The following NKAIN3 variants were observed in gnomAD, a reference collection of about 807,000 sequenced individuals.
The protein encoded by NKAIN3 is sodium/potassium transporting ATPase interacting 3.
Under a neutral mutation model 30.2 loss-of-function variants are expected in NKAIN3, and 25 were observed. That is an observed-to-expected ratio of 0.83 (90% CI 0.60 to 1.16). NKAIN3 has a LOEUF of 1.16. Among genes scored for constraint, NKAIN3 ranks in the 50% most tolerant of loss-of-function variants. The probability of loss-of-function intolerance (pLI) is 0.00; values close to 1 mark genes in which losing one functional copy is unlikely to be tolerated. For synonymous variants in NKAIN3, 91 were observed against 89.6 expected, an observed-to-expected ratio of 1.02 and a Z score of -0.09; for missense variants, 225 against 254.1, an observed-to-expected ratio of 0.89 and a Z score of 0.78.
At chr8:62,642,811 ATATTACCATTTTTCTC>A (rs1812348378) in intron 3 of NKAIN3, among the ~76,000 whole-genome samples, 1 of 152,062 alleles carries the variant, frequency 6.6e-6, no homozygotes, top group South Asian at 2.1e-4. Context: ...TCCTTTTTAT[ATATTACCATTTTTCTC>A]AATTAGTTTA....
chr8:62,508,093 C>T (rs540358087), intron 1 of NKAIN3, among the ~76,000 whole-genome samples: 9 of 152,222 alleles, frequency 5.9e-5, no homozygotes, highest in African/African-American at 2.2e-4. Flanking sequence ...TTTATATGTC[C>T]CGTTCCCTAG....
intron 4 of NKAIN3, among the ~76,000 whole-genome samples, chr8:62,780,439 T>C (rs1817321768): frequency 6.6e-6 from 1 of 152,002 alleles, no homozygotes; most frequent in South Asian, 2.1e-4. Flanking sequence ...CATTCTACAA[T>C]GATAGCATCA....
chr8:62,935,418 T>C (rs1043633404), intron 5 of NKAIN3, among the ~76,000 whole-genome samples: 6 of 152,124 alleles, frequency 3.9e-5, no homozygotes, highest in Admixed American at 2.0e-4. Context: ...TTACCTTGTA[T>C]AAGGTAATGA....
At chr8:62,700,037 G>A (rs960587854) in intron 3 of NKAIN3, among the ~76,000 whole-genome samples, 8 of 152,064 alleles carry the variant, frequency 5.3e-5, no homozygotes, top group Non-Finnish European at 1.2e-4. Context: ...AGCTAAAGTA[G>A]GCACTAGAGC....
chr8:62,688,457 C>T (rs1359877416), intron 3 of NKAIN3, among the ~76,000 whole-genome samples: 3 of 152,050 alleles, frequency 2.0e-5, no homozygotes, highest in Non-Finnish European at 4.4e-5. Flanking sequence ...TTAAAACATC[C>T]AGTAACAGTC....
At chr8:62,736,136 A>G (rs1425520950) in intron 3 of NKAIN3, among the ~76,000 whole-genome samples, 1 of 152,212 alleles carries the variant, frequency 6.6e-6, no homozygotes, top group African/African-American at 2.4e-5. Context: ...GCCAGGAGGT[A>G]GAGCTTTCAA....
At chr8:62,880,974 T>G (rs186997661) in intron 4 of NKAIN3, among the ~76,000 whole-genome samples, 39 of 152,288 alleles carry the variant, frequency 2.6e-4, no homozygotes, top group Admixed American at 2.3e-3. Flanking sequence ...TACCAAGGGG[T>G]TTATGGAAAC....
chr8:62,798,961 A>G (rs1026577133), intron 4 of NKAIN3, among the ~76,000 whole-genome samples: 2 of 152,254 alleles, frequency 1.3e-5, no homozygotes, highest in South Asian at 4.1e-4. Context: ...ACCTGGAGTC[A>G]AGGCAGTAAC....
chr8:62,480,973 C>G (rs967187446), intron 1 of NKAIN3, among the ~76,000 whole-genome samples: 1 of 152,168 alleles, frequency 6.6e-6, no homozygotes, highest in Non-Finnish European at 1.5e-5. Flanking sequence ...AAAGTATAAA[C>G]AGCCTCACCT....
At chr8:62,930,307 G>C (rs560540573) in intron 5 of NKAIN3, among the ~76,000 whole-genome samples, 9 of 152,064 alleles carry the variant, frequency 5.9e-5, no homozygotes, top group Admixed American at 2.0e-4. Context: ...AGGCTGGAGT[G>C]TGATGGTGCG....
At chr8:62,547,863 G>A (rs912105377) in intron 1 of NKAIN3, among the ~76,000 whole-genome samples, 3 of 152,136 alleles carry the variant, frequency 2.0e-5, no homozygotes, top group Non-Finnish European at 4.4e-5. Context: ...TTGAATGCAC[G>A]TAACATCACC....
chr8:62,828,063 T>C (rs1819078412), intron 4 of NKAIN3, among the ~76,000 whole-genome samples: 1 of 151,766 alleles, frequency 6.6e-6, no homozygotes. Context: ...ATTCACACAA[T>C]GCAATACTAC....
At chr8:62,632,678 T>C (rs1812001400) in intron 3 of NKAIN3, among the ~76,000 whole-genome samples, 2 of 152,046 alleles carry the variant, frequency 1.3e-5, no homozygotes, top group African/African-American at 4.8e-5. Flanking sequence ...AATTTTTGTA[T>C]TTTTAGTAGA....
intron 1 of NKAIN3, among the ~76,000 whole-genome samples, chr8:62,297,023 A>G (rs1416495644): frequency 6.6e-6 from 1 of 152,128 alleles, no homozygotes; most frequent in Non-Finnish European, 1.5e-5. Context: ...ATAGCTCTGC[A>G]ATGCATTTGC....
intron 1 of NKAIN3, among the ~76,000 whole-genome samples, chr8:62,533,504 A>AAC (rs4031659): frequency 0.89 from 136,069 of 152,184 alleles, 61,025 homozygotes; most frequent in Middle Eastern, 0.95. Context: ...CCACCTCCTA[A>AAC]CAGGGCTTCA....
rs532590948 is a variant in NKAIN3 at position 62,673,338 on chromosome 8, G to T, written c.274-73594G>T. Among the ~76,000 whole-genome samples the T allele has an allele frequency of 2.0e-5, 3 of 152,230 alleles. No individual in the cohort carries two copies. In the East Asian group the frequency reaches 5.8e-4, roughly 29 times the overall value. ...TTTTTTCTATGCATAGAGTAAACAA[G>T]TCCCTATAAAGCAGAATGTACAGTA... On this transcript the variant is annotated intron_variant, in intron 3 of 6. Transcript: ENST00000623646.
intron 3 of NKAIN3, among the ~76,000 whole-genome samples, chr8:62,689,874 C>G (rs1487681514): frequency 1.3e-5 from 2 of 151,836 alleles, no homozygotes; most frequent in Non-Finnish European, 2.9e-5. Context: ...AGAAAAATTA[C>G]ATCATATCTC....
chr8:62,760,206 A>G (rs1030019116), intron 4 of NKAIN3, among the ~76,000 whole-genome samples: 1 of 152,162 alleles, frequency 6.6e-6, no homozygotes, highest in African/African-American at 2.4e-5. Context: ...ACCATTGTGG[A>G]AGTCAGTGTG....
chr8:62,870,016 C>G (rs1189305123), intron 4 of NKAIN3, among the ~76,000 whole-genome samples: 2 of 151,406 alleles, frequency 1.3e-5, no homozygotes, highest in Non-Finnish European at 1.5e-5. Context: ...GTGATCCACC[C>G]GCGTCGGCCT....
Sources: allele counts gnomAD v4.1 joint callset (sites outside exome capture counted in the v4.1 genomes callset), GRCh38; gene constraint gnomAD v4.1.1; transcripts MANE v1.5; gene names NCBI Gene and HGNC (gene_info 2026-07-23, HGNC 2026-07-21).